The following NAA38 variants were observed in gnomAD, a reference collection of about 807,000 sequenced individuals.
NAA38 encodes the protein N-alpha-acetyltransferase 38, NatC auxiliary subunit, also known as LSM domain containing 1.
Under a neutral mutation model 12.6 loss-of-function variants are expected in NAA38, and 15 were observed. The ratio of observed to expected loss-of-function variants is 1.19; its 90% CI spans 0.79 to 1.83. The LOEUF is 1.83. NAA38 is among the 40% of genes most tolerant of loss of function. The pLI is 0.00. For missense variants in NAA38, 183 were observed against 171.7 expected (o/e 1.07, Z -0.37); for synonymous variants, 88 against 69.9 (o/e 1.26, Z -1.29).
At chr17:7,859,567 A>G (rs1224353493), upstream of NAA38, 1 of 1,614,042 alleles carries the variant, frequency 6.2e-7, no homozygotes, top group African/African-American at 1.3e-5. Context: ...CACTTCACAC[A>G]CCTGCAATAC....
intron 2 of NAA38, among the ~76,000 whole-genome samples, chr17:7,869,787 T>A (rs1297687297): frequency 6.6e-6 from 1 of 151,010 alleles, no homozygotes; most frequent in Non-Finnish European, 1.5e-5. Context: ...GAAAAAAAAA[T>A]ATTTTCCTTT....
At chr17:7,857,964 C>T, upstream of NAA38, 2 of 1,470,054 alleles carry the variant, frequency 1.4e-6, no homozygotes, top group Non-Finnish European at 1.8e-6. Flanking sequence ...AAACCCCGCC[C>T]CTGATATTTA....
At chr17:7,884,425 G>T (rs1282399865) in intron 1 of NAA38, among the ~76,000 whole-genome samples, 2 of 142,006 alleles carry the variant, frequency 1.4e-5, no homozygotes, top group Non-Finnish European at 3.0e-5. Flanking sequence ...GGAGAGGGGG[G>T]CAGAGAGAAG....
upstream of NAA38, chr17:7,858,194 C>A (rs12453250): frequency 0.14 from 221,350 of 1,613,778 alleles, 18,660 homozygotes; most frequent in African/African-American, 0.3. Flanking sequence ...GTCGCTATTT[C>A]ACGCCGGCGG....
chr17:7,856,858 CA>C lies in NAA38; in HGVS notation c.266-16del, dbSNP rs769077026. The C allele has an allele frequency of 2.4e-4, 380 of 1,612,624 alleles. No homozygotes were observed. The highest frequency in any genetic ancestry group is 3.1e-4 in the Non-Finnish European group (361 of 1,179,530). ...AGAGAAGGAATCTGGAAAGAAGGATCAGAGCATCAGGAAAGTAGGCCAGAAT... is the reference window on the plus strand; with the variant it reads ...AGAGAAGGAATCTGGAAAGAAGGATCGAGCATCAGGAAAGTAGGCCAGAAT... On this transcript the variant is annotated splice_polypyrimidine_tract_variant and intron_variant, in intron 2 of 2. Coordinates refer to ENST00000575771, the MANE Select transcript of NAA38 (RefSeq NM_001320925.4).
At chr17:7,873,021 G>A (rs1967113661) in intron 2 of NAA38, among the ~76,000 whole-genome samples, 1 of 152,198 alleles carries the variant, frequency 6.6e-6, no homozygotes, top group Non-Finnish European at 1.5e-5. Flanking sequence ...GGGGAGTTTA[G>A]TGCATGCCTG....
intron 3 of NAA38, chr17:7,864,724 C>G (rs537203504): frequency 2.6e-5 from 4 of 152,074 alleles, no homozygotes; most frequent in East Asian, 1.9e-4. Context: ...ACAGTGAAAC[C>G]CTGTCTTTAC....
intron 2 of NAA38, among the ~76,000 whole-genome samples, chr17:7,877,781 TAATAAC>T (rs1388159530): frequency 2.0e-5 from 3 of 152,230 alleles, no homozygotes; most frequent in African/African-American, 7.2e-5. Flanking sequence ...TTGTTATAGT[TAATAAC>T]AGTAATATAT....
intron 2 of NAA38, among the ~76,000 whole-genome samples, chr17:7,874,494 T>C (rs1272605911): frequency 1.3e-5 from 2 of 151,980 alleles, no homozygotes; most frequent in African/African-American, 4.8e-5. Flanking sequence ...TAGAAAACAC[T>C]GAGGAAGAGA....
At chr17:7,857,956 A>C (rs899397673), upstream of NAA38, 1 of 1,456,016 alleles carries the variant, frequency 6.9e-7, no homozygotes, top group East Asian at 2.4e-5. Context: ...TGCAGTCCAA[A>C]CCCCGCCCCT....
chr17:7,884,080 A>ACACG (rs1197658506), intron 1 of NAA38, among the ~76,000 whole-genome samples: 7 of 151,290 alleles, frequency 4.6e-5, no homozygotes, highest in Non-Finnish European at 1.0e-4. Flanking sequence ...CAACACACAC[A>ACACG]CACACACACA....
At chr17:7,872,568 G>C (rs560767536) in intron 2 of NAA38, among the ~76,000 whole-genome samples, 3 of 152,124 alleles carry the variant, frequency 2.0e-5, no homozygotes, top group Admixed American at 6.5e-5. Context: ...TCACCATGTC[G>C]GTCAGGCTGG....
rs928281567 is a variant in NAA38 at position 7,857,545 on chromosome 17, G to T, written c.-82C>A. 1 of 1,446,738 alleles carries T rather than the reference G, an allele frequency of 6.9e-7. No individual in the cohort carries two copies. The highest frequency in any genetic ancestry group is 9.1e-7 in the Non-Finnish European group (1 of 1,103,500). The allele number at this position is 1,446,738 out of a possible 1,614,324, so 89.6% of individuals were successfully genotyped here. On this transcript the variant is annotated 5_prime_UTR_variant, in exon 1 of 3. Coordinates refer to ENST00000575771, the MANE Select transcript of NAA38 (RefSeq NM_001320925.4). ...GGTCCGAGATCTCGCGAGCGCTCCCGACCTCTTTCCTTTCGCGAGATCCCC... is the reference window on the plus strand; with the variant it reads ...GGTCCGAGATCTCGCGAGCGCTCCCTACCTCTTTCCTTTCGCGAGATCCCC...
In NAA38 at chr17:7,857,506, C is replaced by T. The variant is rs759530512; in HGVS notation, c.-43G>A. The T allele has an allele frequency of 1.3e-5, 20 of 1,484,934 alleles. No homozygotes were observed. The highest frequency in any genetic ancestry group is 1.7e-5 in the Non-Finnish European group (19 of 1,119,474). The allele number at this position is 1,484,934 out of a possible 1,614,324, so 92.0% of individuals were successfully genotyped here. A position where few individuals can be genotyped will look rare whatever the true frequency, so the allele number is the denominator to read the frequency against. On this transcript the variant is annotated 5_prime_UTR_variant, in exon 1 of 3. Transcript: ENST00000575771. ...CTGGGCCTTTCAACTTCCTAAGCAC[C>T]TTTCAGGTTGGGTGGTCCGAGATCT... is the stretch of plus-strand genomic sequence containing the variant.
chr17:7,883,342 C>A (rs1015393578), intron 1 of NAA38: 7 of 152,048 alleles, frequency 4.6e-5, no homozygotes, highest in African/African-American at 1.7e-4. Context: ...TATACTGAAA[C>A]GGAAGAAAAG....
At chr17:7,869,770 A>C (rs1300271548) in intron 2 of NAA38, among the ~76,000 whole-genome samples, 1 of 152,042 alleles carries the variant, frequency 6.6e-6, no homozygotes, top group Non-Finnish European at 1.5e-5. Context: ...CTCCAAAAAA[A>C]AGAAAAGAAA....
chr17:7,863,452 C>T (rs1966908369), intron 3 of NAA38: 1 of 152,160 alleles, frequency 6.6e-6, no homozygotes, highest in Admixed American at 6.5e-5. Flanking sequence ...CCTACATGCC[C>T]ACATTACTGG....
intron 2 of NAA38, among the ~76,000 whole-genome samples, chr17:7,878,575 T>G (rs1027218784): frequency 2.0e-5 from 3 of 151,778 alleles, no homozygotes; most frequent in African/African-American, 7.3e-5. Flanking sequence ...TCCAAAAAAT[T>G]AGCCGGGTGT....
At chr17:7,870,456 C>G (rs1045759319) in intron 2 of NAA38, among the ~76,000 whole-genome samples, 1 of 151,996 alleles carries the variant, frequency 6.6e-6, no homozygotes, top group Non-Finnish European at 1.5e-5. Flanking sequence ...CAGATAAAAT[C>G]TTTTAATCAA....
Sources: allele counts gnomAD v4.1 joint callset (sites outside exome capture counted in the v4.1 genomes callset), GRCh38; gene constraint gnomAD v4.1.1; transcripts MANE v1.5; gene names NCBI Gene and HGNC (gene_info 2026-07-23, HGNC 2026-07-21).